Variants in RASGRF2 observed in about 807,000 individuals in gnomAD.
The protein encoded by RASGRF2 is ras-specific guanine nucleotide-releasing factor 2.
RASGRF2 carries 76 observed loss-of-function variants against 151.0 expected under a neutral mutation model. That is an observed-to-expected ratio of 0.50 (90% CI 0.42 to 0.61). The LOEUF (loss-of-function observed/expected upper bound fraction) is 0.61, where lower values mean the gene tolerates loss of function less well. Among genes scored for constraint, RASGRF2 ranks in the 20% least tolerant of loss-of-function variants. The pLI, the probability that RASGRF2 is intolerant of heterozygous loss-of-function variation, is 0.00. For missense variants in RASGRF2, 1,148 were observed against 1,564.6 expected, an observed-to-expected ratio of 0.73 and a Z score of 4.49; for synonymous variants, 504 against 566.5, an observed-to-expected ratio of 0.89 and a Z score of 1.57.
At chr5:81,062,040 C>T (rs1182334352) in intron 2 of RASGRF2, among the ~76,000 whole-genome samples, 1 of 146,766 alleles carries the variant, frequency 6.8e-6, no homozygotes, top group African/African-American at 2.5e-5. Context: ...GAGATGAGAT[C>T]TTACTATGTT....
chr5:80,978,849 A>T (rs1308405307), intron 1 of RASGRF2, among the ~76,000 whole-genome samples: 1 of 152,172 alleles, frequency 6.6e-6, no homozygotes, highest in Non-Finnish European at 1.5e-5. Context: ...AGACTTTAGG[A>T]TTCTGATACT....
Position 80,994,616 on chromosome 5 carries a change from C to T in RASGRF2, c.288+33590C>T, listed in dbSNP as rs192864095. 1.6e-4 allele frequency among the ~76,000 whole-genome samples: 24 copies of T among 152,202 alleles called. No homozygotes were observed. In the East Asian group the frequency reaches 4.6e-3, roughly 29 times the overall value. ...TTCTGATCCATACATCTCACAGATACGTGATAATATGGTATTGTGGACTCT... is the reference window on the plus strand; with the variant it reads ...TTCTGATCCATACATCTCACAGATATGTGATAATATGGTATTGTGGACTCT... On this transcript the variant is annotated intron_variant, in intron 1 of 26. Transcript: ENST00000265080.
intron 5 of RASGRF2, among the ~76,000 whole-genome samples, chr5:81,075,611 C>T (rs182369543): frequency 2.6e-5 from 4 of 152,076 alleles, no homozygotes; most frequent in African/African-American, 7.2e-5. Context: ...AAGATTGCAA[C>T]GTTTTTTGGT....
intron 17 of RASGRF2, among the ~76,000 whole-genome samples, chr5:81,140,419 C>T (rs1021004000): frequency 4.0e-5 from 6 of 151,512 alleles, no homozygotes; most frequent in Admixed American, 2.0e-4. Flanking sequence ...TAAACACACA[C>T]ACACACACAC....
At chr5:80,988,370 C>A (rs1487697645) in intron 1 of RASGRF2, among the ~76,000 whole-genome samples, 1 of 152,100 alleles carries the variant, frequency 6.6e-6, no homozygotes, top group Non-Finnish European at 1.5e-5. Context: ...TTTAATTAGT[C>A]TGCAAAGTCC....
At chr5:81,003,972 A>G (rs1428388862) in intron 1 of RASGRF2, among the ~76,000 whole-genome samples, 1 of 152,220 alleles carries the variant, frequency 6.6e-6, no homozygotes. Flanking sequence ...AGAGGGGATC[A>G]TTTAACTTTA....
intron 1 of RASGRF2, among the ~76,000 whole-genome samples, chr5:81,005,704 G>A (rs993972933): frequency 3.3e-5 from 5 of 152,168 alleles, no homozygotes; most frequent in African/African-American, 7.2e-5. Flanking sequence ...GTGAACATTC[G>A]TGTAGACATT....
At chr5:81,030,681 A>T (rs555261608) in intron 1 of RASGRF2, among the ~76,000 whole-genome samples, 11 of 152,222 alleles carry the variant, frequency 7.2e-5, no homozygotes, top group Non-Finnish European at 8.8e-5. Context: ...AGCCAGTACC[A>T]GCCACTGCAA....
intron 1 of RASGRF2, among the ~76,000 whole-genome samples, chr5:80,996,519 C>CTT (rs1748878234): frequency 5.3e-5 from 2 of 37,662 alleles, no homozygotes; most frequent in African/African-American, 1.2e-4. Flanking sequence ...TCCTCCTCCT[C>CTT]CCCCTCCTCC....
At chr5:81,167,689 G>A (rs1409687340) in intron 17 of RASGRF2, among the ~76,000 whole-genome samples, 1 of 152,168 alleles carries the variant, frequency 6.6e-6, no homozygotes, top group East Asian at 1.9e-4. Context: ...TCTCCTCTCT[G>A]TGGCTGCCTC....
At chr5:81,018,042 G>A (rs1749698311) in intron 1 of RASGRF2, among the ~76,000 whole-genome samples, 1 of 152,092 alleles carries the variant, frequency 6.6e-6, no homozygotes, top group African/African-American at 2.4e-5. Context: ...CTGGGAGGCA[G>A]CAGTTGCAGT....
intron 17 of RASGRF2, among the ~76,000 whole-genome samples, chr5:81,141,869 A>G (rs1254115061): frequency 6.6e-6 from 1 of 152,186 alleles, no homozygotes; most frequent in African/African-American, 2.4e-5. Flanking sequence ...CAATGGTATG[A>G]TCTGGTTAGA....
Position 81,113,812 on chromosome 5 carries a change from C to A in RASGRF2, c.2362C>A (p.Leu788Ile). Residue 788 changes from leucine (L) to isoleucine (I), a missense_variant, in exon 15 of 27, where the codon CTC becomes ATC. This residue lies in a region of RASGRF2 where 646 missense variants were observed against 807.4 expected (regional missense o/e 0.80). Transcript: ENST00000265080. Reference protein sequence around the residue: ...PPHTGQIPLDLSRGLSSPEQS... With the variant: ...PPHTGQIPLDISRGLSSPEQS... ...ACACACTGGTCAGATACCACTGGAT[C>A]TCAGCAGAGGCCTCTCTTCTCCAGA... 6.2e-7 allele frequency: 1 copy of A among 1,614,216 alleles called. No homozygotes were observed. The highest frequency in any genetic ancestry group is 8.5e-7 in the Non-Finnish European group (1 of 1,180,044).
At chr5:81,066,512 C>T (rs1751607164) in intron 2 of RASGRF2, among the ~76,000 whole-genome samples, 1 of 152,162 alleles carries the variant, frequency 6.6e-6, no homozygotes, top group African/African-American at 2.4e-5. Flanking sequence ...GAACCCCAGC[C>T]TAAAATTGTG....
chr5:81,138,988 A>G (rs1016974854), intron 17 of RASGRF2, among the ~76,000 whole-genome samples: 3 of 152,108 alleles, frequency 2.0e-5, no homozygotes, highest in Admixed American at 2.0e-4. Flanking sequence ...AATTGGGGAG[A>G]AATGCACATC....
intron 1 of RASGRF2, among the ~76,000 whole-genome samples, chr5:81,027,256 T>C (rs1233489044): frequency 6.6e-6 from 1 of 152,200 alleles, no homozygotes; most frequent in Non-Finnish European, 1.5e-5. Context: ...TAATTATGCA[T>C]CAATATTTGT....
At chr5:81,004,636 G>A (rs527900747) in intron 1 of RASGRF2, among the ~76,000 whole-genome samples, 40 of 152,302 alleles carry the variant, frequency 2.6e-4, no homozygotes, top group Middle Eastern at 6.8e-3. Flanking sequence ...CTTAAAGCAC[G>A]TGGCTGTCTT....
chr5:81,013,503 G>A (rs1749534901), intron 1 of RASGRF2, among the ~76,000 whole-genome samples: 2 of 151,898 alleles, frequency 1.3e-5, no homozygotes, highest in Non-Finnish European at 2.9e-5. Flanking sequence ...ATATAGACAC[G>A]GAGCTCATGC....
chr5:81,013,637 A>G (rs1749541164), intron 1 of RASGRF2, among the ~76,000 whole-genome samples: 2 of 151,476 alleles, frequency 1.3e-5, no homozygotes, highest in Admixed American at 1.3e-4. Flanking sequence ...TATGTTGTGT[A>G]TGTGTATATA....
Sources: gnomAD v4.1 joint callset for allele counts (sites outside exome capture counted in the v4.1 genomes callset) on GRCh38, gnomAD v4.1.1 for gene constraint, gnomAD v4.1.1 regional missense constraint, MANE v1.5 for transcripts, NCBI Gene and HGNC (gene_info 2026-07-23, HGNC 2026-07-21) for gene names.